TRPC4: variants seen among roughly 807,000 people sequenced by gnomAD.
The protein encoded by TRPC4 is transient receptor potential cation channel subfamily C member 4.
Under a neutral mutation model 99.4 loss-of-function variants are expected in TRPC4, and 49 were observed. The observed-to-expected ratio is 0.49, with a 90% CI of 0.39 to 0.63. The LOEUF (loss-of-function observed/expected upper bound fraction) is 0.63. TRPC4 is among the 20% of genes least tolerant of loss of function. The probability of loss-of-function intolerance (pLI) is 0.00; values close to 1 mark genes in which losing one functional copy is unlikely to be tolerated. For synonymous variants in TRPC4, 454 were observed against 425.9 expected (o/e 1.07, Z -0.81); for missense variants, 898 against 1,152.9 (o/e 0.78, Z 3.20).
chr13:37,731,823 T>C (rs529865962), intron 3 of TRPC4, among the ~76,000 whole-genome samples: 1 of 151,498 alleles, frequency 6.6e-6, no homozygotes, highest in African/African-American at 2.4e-5. Context: ...AGTACGTCCC[T>C]TTCCCCACCT....
chr13:37,645,700 G>A (rs1951844979), intron 8 of TRPC4, among the ~76,000 whole-genome samples: 1 of 152,158 alleles, frequency 6.6e-6, no homozygotes, highest in South Asian at 2.1e-4. Context: ...TCTACATATT[G>A]TTCTCTATAA....
chr13:37,805,147 C>G (rs76934281), intron 1 of TRPC4, among the ~76,000 whole-genome samples: 3 of 151,918 alleles, frequency 2.0e-5, no homozygotes, highest in Non-Finnish European at 2.9e-5. Context: ...CAACATATCT[C>G]CTGCTGAAAA....
At position 37,868,834 on chromosome 13, in the gene TRPC4, C is replaced by A. The variant is rs148318049; in HGVS notation, c.-28+761G>T. On this transcript the variant is annotated intron_variant, in intron 1 of 10. Transcript: ENST00000379705. ...ATGCAGGCAGACAAGATAAGAGATC[C>A]CTTTCCTCAGCTCTCCTAAACCCTC... is the stretch of plus-strand genomic sequence containing the variant. Among the ~76,000 whole-genome samples the A allele has an allele frequency of 7.1e-3, 1,086 of 152,214 alleles. 8 individuals are homozygous for A. Among genetic ancestry groups the A allele is most frequent in the African/African-American group, 0.025 (1,033 of 41,530 alleles).
At chr13:37,726,128 G>A (rs1198206932) in intron 3 of TRPC4, among the ~76,000 whole-genome samples, 1 of 151,678 alleles carries the variant, frequency 6.6e-6, no homozygotes, top group Non-Finnish European at 1.5e-5. Flanking sequence ...CCCAGGAGGC[G>A]GAGGTTGCAG....
At chr13:37,699,595 CA>C (rs1219434096) in intron 3 of TRPC4, among the ~76,000 whole-genome samples, 2 of 152,162 alleles carry the variant, frequency 1.3e-5, no homozygotes, top group Admixed American at 6.5e-5. Context: ...TGATAAACTA[CA>C]GATTCTATTC....
intron 1 of TRPC4, among the ~76,000 whole-genome samples, chr13:37,812,185 A>AAAAAAAAAAAAC (rs1957713876): frequency 6.8e-6 from 1 of 146,962 alleles, no homozygotes. Context: ...TCAAAAAAAA[A>AAAAAAAAAAAAC]AAAAAAAAAA....
At chr13:37,768,669 C>CAT (rs1196305704) in intron 2 of TRPC4, among the ~76,000 whole-genome samples, 3 of 106,802 alleles carry the variant, frequency 2.8e-5, no homozygotes, top group South Asian at 3.0e-4. Context: ...TACGAACACA[C>CAT]ACGCACACAC....
intron 3 of TRPC4, 34 bp from the exon 4 acceptor site, chr13:37,692,369 T>A (rs574556401): frequency 1.3e-6 from 2 of 1,572,200 alleles, no homozygotes; most frequent in Admixed American, 3.5e-5. Context: ...GAAAAATAAG[T>A]CACAGTTACA....
At chr13:37,750,995 T>C (rs552835822) in intron 2 of TRPC4, among the ~76,000 whole-genome samples, 1 of 152,244 alleles carries the variant, frequency 6.6e-6, no homozygotes, top group South Asian at 2.1e-4. Flanking sequence ...AGAATAAGAA[T>C]GCTTTCTTCC....
At chr13:37,703,239 A>G (rs1249640313) in intron 3 of TRPC4, among the ~76,000 whole-genome samples, 1 of 152,170 alleles carries the variant, frequency 6.6e-6, no homozygotes, top group Non-Finnish European at 1.5e-5. Flanking sequence ...GCCACTTGAA[A>G]GCCACACAGG....
At chr13:37,864,928 G>A (rs899614489) in intron 1 of TRPC4, among the ~76,000 whole-genome samples, 2 of 151,644 alleles carry the variant, frequency 1.3e-5, no homozygotes, top group African/African-American at 2.4e-5. Flanking sequence ...AAAAGCTTAC[G>A]CATGTGCCAT....
chr13:37,649,647 T>C lies in TRPC4; in HGVS notation c.2079+1618A>G, dbSNP rs981424376. On this transcript the variant is annotated intron_variant, in intron 8 of 10. Coordinates refer to ENST00000379705, the MANE Select transcript of TRPC4 (RefSeq NM_016179.4). ...TACTCGGGAGGCTGAGGCAGGAGAA[T>C]GGCGTGAACCCGGAAGGCGGAGCTT... Among the ~76,000 whole-genome samples, 7 of 138,466 alleles carry C rather than the reference T, an allele frequency of 5.1e-5. No homozygotes were observed. The South Asian group carries it at 8.9e-4, about 18-fold the overall frequency. The allele number at this position is 138,466 out of a possible 152,430, so 90.8% of individuals were successfully genotyped here. A position where few individuals can be genotyped will look rare whatever the true frequency, so the allele number is the denominator to read the frequency against.
chr13:37,813,763 T>C (rs1010034485), intron 1 of TRPC4, among the ~76,000 whole-genome samples: 4 of 151,886 alleles, frequency 2.6e-5, no homozygotes, highest in Admixed American at 6.6e-5. Context: ...AAAGTCTTCA[T>C]AGATAAATTC....
chr13:37,844,461 A>G (rs1958831184), intron 1 of TRPC4, among the ~76,000 whole-genome samples: 1 of 151,936 alleles, frequency 6.6e-6, no homozygotes, highest in Admixed American at 6.6e-5. Context: ...TGCCCAGCTA[A>G]TTTTTGTATG....
Position 37,867,424 on chromosome 13 carries a change from A to G in TRPC4, c.-28+2171T>C, listed in dbSNP as rs551308555. 5.3e-5 allele frequency among the ~76,000 whole-genome samples: 8 copies of G among 152,116 alleles called. No individual in the cohort carries two copies. In the South Asian group the frequency reaches 1.7e-3, roughly 31 times the overall value. ...TTAAACATGCAGGTATAAAAATAAA[A>G]CAGACTATTTCCAAAAATATACACT... is the stretch of plus-strand genomic sequence containing the variant. On this transcript the variant is annotated intron_variant, in intron 1 of 10. Transcript: ENST00000379705.
intron 5 of TRPC4, among the ~76,000 whole-genome samples, chr13:37,673,135 C>T (rs1043359282): frequency 1.0e-4 from 14 of 137,448 alleles, no homozygotes; most frequent in African/African-American, 1.3e-4. Flanking sequence ...GTGATGTTCC[C>T]CACCCTGTGT....
chr13:37,647,895 T>C (rs1205059839), intron 8 of TRPC4, among the ~76,000 whole-genome samples: 1 of 152,222 alleles, frequency 6.6e-6, no homozygotes, highest in African/African-American at 2.4e-5. Flanking sequence ...AACCCCTCTT[T>C]TAATAATACA....
chr13:37,761,478 C>T (rs1956220669), intron 2 of TRPC4, among the ~76,000 whole-genome samples: 1 of 151,880 alleles, frequency 6.6e-6, no homozygotes, highest in African/African-American at 2.4e-5. Flanking sequence ...AATCCTGCCT[C>T]AACCATTTCT....
intron 1 of TRPC4, among the ~76,000 whole-genome samples, chr13:37,836,855 T>A (rs766496174): frequency 4.6e-5 from 7 of 152,004 alleles, no homozygotes; most frequent in Non-Finnish European, 1.0e-4. Context: ...ATGTGAGAGG[T>A]CTTCATGGCA....
Sources: allele counts gnomAD v4.1 joint callset (sites outside exome capture counted in the v4.1 genomes callset), GRCh38; gene constraint gnomAD v4.1.1; transcripts MANE v1.5; gene names NCBI Gene and HGNC (gene_info 2026-07-23, HGNC 2026-07-21).